SDK1: variants seen among roughly 807,000 people sequenced by gnomAD.
SDK1 encodes the protein protein sidekick-1.
Under a neutral mutation model 245.5 loss-of-function variants are expected in SDK1, and 157 were observed. That is an observed-to-expected ratio of 0.64 (90% CI 0.56 to 0.73). The LOEUF is 0.73. Ranked by LOEUF, SDK1 falls within the 30% of genes least tolerant of loss-of-function variation. The probability of loss-of-function intolerance (pLI) is 0.00; values close to 1 mark genes in which losing one functional copy is unlikely to be tolerated. For missense variants in SDK1, 3,583 were observed against 3,002.3 expected, an observed-to-expected ratio of 1.19 and a Z score of -4.52; for synonymous variants, 1,647 against 1,278.5, an observed-to-expected ratio of 1.29 and a Z score of -6.15.
intron 1 of SDK1, among the ~76,000 whole-genome samples, chr7:3,614,976 G>T (rs539253899): frequency 1.3e-5 from 2 of 151,450 alleles, no homozygotes; most frequent in Non-Finnish European, 3.0e-5. Flanking sequence ...GTATAGGCAT[G>T]TTTGTTTAAC....
rs1030227521 is a variant in SDK1, at chr7:4,207,644, G to T, written c.5215-455G>T. Among the ~76,000 whole-genome samples the T allele has an allele frequency of 3.9e-5, 6 of 152,060 alleles. No individual in the cohort carries two copies. In the East Asian group the frequency reaches 9.7e-4, roughly 25 times the overall value. On this transcript the variant is annotated intron_variant, in intron 36 of 44. Transcript: ENST00000404826. ...ACATCGTAGGAGTTGGGGGTTTGTT[G>T]TCTCCATAGCTCGGAGCAGGGGGTG...
intron 25 of SDK1, among the ~76,000 whole-genome samples, chr7:4,120,576 CAATTT>C (rs763018279): frequency 1.3e-5 from 2 of 148,740 alleles, no homozygotes; most frequent in Non-Finnish European, 3.0e-5. Flanking sequence ...AAAATGAAGA[CAATTT>C]AATCAAAATA....
intron 1 of SDK1, among the ~76,000 whole-genome samples, chr7:3,482,196 T>G (rs905068895): frequency 2.0e-5 from 3 of 152,206 alleles, no homozygotes; most frequent in African/African-American, 7.2e-5. Context: ...TTAAACTACC[T>G]ACCTACTAAC....
intron 25 of SDK1, among the ~76,000 whole-genome samples, 160 bp from the exon 26 acceptor site, chr7:4,127,221 A>T (rs1033395384): frequency 2.0e-4 from 31 of 152,230 alleles, no homozygotes; most frequent in African/African-American, 7.2e-4. Flanking sequence ...AAAGAGATTT[A>T]CATGTCCGTT....
chr7:3,748,418 A>G (rs1176030762), intron 4 of SDK1, among the ~76,000 whole-genome samples: 3 of 152,244 alleles, frequency 2.0e-5, no homozygotes, highest in Non-Finnish European at 4.4e-5. Flanking sequence ...TGTATATATT[A>G]TAACGGGCTT....
chr7:3,760,425 A>G (rs764550048), intron 4 of SDK1, among the ~76,000 whole-genome samples: 26 of 152,208 alleles, frequency 1.7e-4, no homozygotes, highest in Non-Finnish European at 2.5e-4. Context: ...TGTCATTAGT[A>G]TACCTGAATG....
chr7:3,340,498 C>T (rs1246712125), intron 1 of SDK1, among the ~76,000 whole-genome samples: 1 of 152,124 alleles, frequency 6.6e-6, no homozygotes, highest in Non-Finnish European at 1.5e-5. Flanking sequence ...TATGGTGGCT[C>T]ACGCCTGTAA....
At chr7:3,842,343 C>T (rs923219036) in intron 5 of SDK1, among the ~76,000 whole-genome samples, 2 of 152,172 alleles carry the variant, frequency 1.3e-5, no homozygotes, top group African/African-American at 2.4e-5. Flanking sequence ...GTGCCCTGGA[C>T]CAACAGTCAA....
intron 1 of SDK1, among the ~76,000 whole-genome samples, chr7:3,496,175 C>G (rs1382950366): frequency 1.3e-5 from 2 of 152,122 alleles, no homozygotes; most frequent in Admixed American, 6.6e-5. Context: ...CTGCTGCCTC[C>G]TCATTGAAAT....
intron 32 of SDK1, among the ~76,000 whole-genome samples, chr7:4,173,610 G>A (rs1186449375): frequency 6.6e-6 from 1 of 152,210 alleles, no homozygotes; most frequent in Admixed American, 6.5e-5. Flanking sequence ...GGTGAGAGCT[G>A]GATGGCAAGG....
At chr7:3,872,528 G>C (rs569131359) in intron 5 of SDK1, among the ~76,000 whole-genome samples, 115 of 148,734 alleles carry the variant, frequency 7.7e-4, no homozygotes, top group Non-Finnish European at 1.5e-3. Flanking sequence ...CAAGGAATTA[G>C]TTCATGTCAT....
chr7:4,018,360 G>T (rs1045190152), intron 17 of SDK1, among the ~76,000 whole-genome samples: 2 of 152,066 alleles, frequency 1.3e-5, no homozygotes, highest in African/African-American at 4.8e-5. Context: ...CGTATTGACT[G>T]GCTGTCTGTT....
intron 4 of SDK1, among the ~76,000 whole-genome samples, chr7:3,716,836 G>C (rs1043915463): frequency 6.6e-6 from 1 of 151,316 alleles, no homozygotes; most frequent in Non-Finnish European, 1.5e-5. Context: ...TGCTATAATA[G>C]TTAAATGAGG....
At chr7:3,507,107 G>T (rs62440164) in intron 1 of SDK1, among the ~76,000 whole-genome samples, 3,908 of 152,196 alleles carry the variant, frequency 0.026, 90 homozygotes, top group Middle Eastern at 0.068. Context: ...CCCGGTACCT[G>T]GTCTTCTAGG....
intron 19 of SDK1, among the ~76,000 whole-genome samples, chr7:4,054,630 T>C (rs1172036936): frequency 1.3e-5 from 2 of 152,240 alleles, no homozygotes; most frequent in East Asian, 1.9e-4. Flanking sequence ...TTTTCTTGCA[T>C]GATTTGCAGT....
chr7:3,321,838 TCTC>T (rs1779822334), intron 1 of SDK1, among the ~76,000 whole-genome samples: 1 of 130,706 alleles, frequency 7.7e-6, no homozygotes, highest in African/African-American at 3.4e-5. Flanking sequence ...CCTCCTTTTC[TCTC>T]TCTCTCTCTC....
At chr7:4,172,494 A>G (rs941433068) in intron 32 of SDK1, among the ~76,000 whole-genome samples, 6 of 152,170 alleles carry the variant, frequency 3.9e-5, no homozygotes, top group Admixed American at 6.5e-5. Context: ...CAAGAGTCCA[A>G]AGAAAAAGCG....
At chr7:3,822,573 C>A (rs1256700755) in intron 5 of SDK1, among the ~76,000 whole-genome samples, 3 of 151,914 alleles carry the variant, frequency 2.0e-5, no homozygotes, top group South Asian at 2.1e-4. Context: ...AGTTCGAGAC[C>A]AGCCTGGTCA....
At chr7:4,205,786 A>T in intron 35 of SDK1, 93 bp from the exon 36 acceptor site, 2 of 1,004,164 alleles carry the variant, frequency 2.0e-6, no homozygotes, top group Non-Finnish European at 1.5e-6. Context: ...CAGCGGAATT[A>T]GGGCATGCTC....
Sources: allele counts gnomAD v4.1 joint callset (sites outside exome capture counted in the v4.1 genomes callset), GRCh38; gene constraint gnomAD v4.1.1; transcripts MANE v1.5; gene names NCBI Gene and HGNC (gene_info 2026-07-23, HGNC 2026-07-21).